DCLK1: variants seen among roughly 807,000 people sequenced by gnomAD.
The protein encoded by DCLK1 is doublecortin like kinase 1, also known as serine/threonine-protein kinase DCLK1.
Under a neutral mutation model 86.2 loss-of-function variants are expected in DCLK1, and 16 were observed. That is an observed-to-expected ratio of 0.19 (90% CI 0.13 to 0.28). The LOEUF (loss-of-function observed/expected upper bound fraction) is 0.28. DCLK1 is among the 10% of genes least tolerant of loss of function. The pLI, the probability that DCLK1 is intolerant of heterozygous loss-of-function variation, is 1.00. For missense variants in DCLK1, 590 were observed against 940.2 expected (o/e 0.63, Z 4.87); for synonymous variants, 369 against 370.5 (o/e 1.00, Z 0.05).
chr13:35,843,638 A>G (rs1869976794), intron 6 of DCLK1, among the ~76,000 whole-genome samples: 1 of 152,208 alleles, frequency 6.6e-6, no homozygotes, highest in Admixed American at 6.5e-5. Flanking sequence ...AAAATATCCA[A>G]TTAAGAGAAT....
Position 35,947,390 on chromosome 13 carries a change from C to A in DCLK1, c.791G>T (p.Arg264Leu). The A allele has an allele frequency of 6.2e-7, 1 of 1,613,732 alleles. No individual in the cohort carries two copies. The highest frequency in any genetic ancestry group is 8.5e-7 in the Non-Finnish European group (1 of 1,179,838). ...IFIACGPEKF[R>L]YQDDFLLDES... is the part of the protein sequence containing the mutation. The stretch of plus-strand genomic sequence containing the variant: ...ATCTAGCAAGAAATCATCCTGGTAA[C>A]GGAACTTCTCCGGTCCACATGCAAT... Residue 264 changes from arginine (R) to leucine (L), a missense_variant, in exon 4 of 17, where the codon CGT becomes CTT. By Grantham distance (102) the Arg-to-Leu change is moderately radical. This residue lies in a region of DCLK1 where 195 missense variants were observed against 365.1 expected (regional missense o/e 0.53). Coordinates refer to ENST00000360631, the MANE Select transcript of DCLK1 (RefSeq NM_001330071.2).
intron 11 of DCLK1, among the ~76,000 whole-genome samples, chr13:35,816,218 A>G (rs980269360): frequency 6.6e-6 from 1 of 152,206 alleles, no homozygotes; most frequent in Admixed American, 6.5e-5. Context: ...ATTATCCAAT[A>G]TGTCATAGTA....
intron 3 of DCLK1, among the ~76,000 whole-genome samples, chr13:36,014,241 C>G (rs1616952): frequency 0.28 from 43,136 of 152,108 alleles, 7,509 homozygotes; most frequent in Non-Finnish European, 0.39. Context: ...CTACCCCTCT[C>G]TAAAATTTTA....
At position 35,828,453 on chromosome 13, in the gene DCLK1, A is replaced by C. The variant is rs139680837; in HGVS notation, c.1230-146T>G. 599 of 680,084 alleles carry C rather than the reference A, an allele frequency of 8.8e-4. 4 individuals are homozygous for C. Among genetic ancestry groups the C allele is most frequent in the African/African-American group, 8.6e-3 (478 of 55,640 alleles). 42.1% of individuals were successfully genotyped at this position (680,084 alleles called of 1,614,324 possible). On this transcript the variant is annotated intron_variant, in intron 8 of 16. Transcript: ENST00000360631. ...AGGATTTCCTTTCCTTTTTTAAAAA[A>C]AAACAAATAAATATGTAAACGTTGA...
intron 16 of DCLK1, among the ~76,000 whole-genome samples, chr13:35,785,164 G>T (rs986463116): frequency 2.6e-5 from 4 of 152,008 alleles, no homozygotes; most frequent in East Asian, 3.9e-4. Context: ...TTATTTAATC[G>T]GGTTACCCAG....
intron 11 of DCLK1, among the ~76,000 whole-genome samples, chr13:35,812,367 A>G (rs117006771): frequency 4.5e-4 from 69 of 152,284 alleles, no homozygotes; most frequent in East Asian, 1.9e-4. Flanking sequence ...ATGTACATCA[A>G]AATACTTGAT....
chr13:36,052,963 G>A (rs1883179852), intron 3 of DCLK1, among the ~76,000 whole-genome samples: 1 of 152,144 alleles, frequency 6.6e-6, no homozygotes, highest in Admixed American at 6.5e-5. Context: ...AGGATGGGGT[G>A]CTTACAATCT....
At chr13:35,953,911 G>C (rs1274042442) in intron 3 of DCLK1, among the ~76,000 whole-genome samples, 1 of 152,122 alleles carries the variant, frequency 6.6e-6, no homozygotes, top group Non-Finnish European at 1.5e-5. Context: ...AAGTCATTGT[G>C]TCTTTATCAG....
chr13:36,011,480 A>G (rs1881267287), intron 3 of DCLK1, among the ~76,000 whole-genome samples: 1 of 128,780 alleles, frequency 7.8e-6, no homozygotes, highest in Non-Finnish European at 1.6e-5. Context: ...TCATTTCGTT[A>G]TGTACCCAGT....
At position 35,923,911 on chromosome 13, in the gene DCLK1, C is replaced by T. The variant is rs144593635; in HGVS notation, c.823+23447G>A. On this transcript the variant is annotated intron_variant, in intron 4 of 16. Transcript: ENST00000360631. ...GACAGTAAGAAGCAGAACAAATGCA[C>T]ATGCTAAACTAGACCCCCTTCTAGC... Among the ~76,000 whole-genome samples, 777 of 152,240 alleles carry T rather than the reference C, an allele frequency of 5.1e-3. 9 individuals carry two copies. The highest frequency in any genetic ancestry group is 0.018 in the African/African-American group (744 of 41,536).
chr13:35,965,922 G>A (rs1230232663), intron 3 of DCLK1, among the ~76,000 whole-genome samples: 2 of 152,192 alleles, frequency 1.3e-5, no homozygotes, highest in Non-Finnish European at 2.9e-5. Context: ...AGGGCCACAG[G>A]GAGAGTTCCT....
chr13:35,792,360 T>C (rs2086722893), intron 16 of DCLK1, among the ~76,000 whole-genome samples: 1 of 152,110 alleles, frequency 6.6e-6, no homozygotes, highest in African/African-American at 2.4e-5. Context: ...CACTTGTTTA[T>C]CTTCAGTTTT....
chr13:36,079,806 G>A (rs887375049), intron 3 of DCLK1, among the ~76,000 whole-genome samples: 3 of 152,140 alleles, frequency 2.0e-5, no homozygotes, highest in African/African-American at 7.2e-5. Context: ...CAAAAGGCAA[G>A]CAATGAAGGG....
At chr13:35,822,613 G>C in intron 11 of DCLK1, 116 bp downstream of exon 11, 1 of 1,452,294 alleles carries the variant, frequency 6.9e-7, no homozygotes, top group Admixed American at 2.0e-5. Flanking sequence ...AAGGCTAACT[G>C]GAAATTAACC....
intron 3 of DCLK1, among the ~76,000 whole-genome samples, chr13:35,997,365 G>A (rs892583659): frequency 6.6e-6 from 1 of 152,166 alleles, no homozygotes; most frequent in Admixed American, 6.5e-5. Flanking sequence ...TCATTTTAAG[G>A]GGAAAATCAT....
chr13:35,862,491 T>C (rs903599748), intron 5 of DCLK1, among the ~76,000 whole-genome samples: 4 of 152,196 alleles, frequency 2.6e-5, no homozygotes, highest in Non-Finnish European at 4.4e-5. Flanking sequence ...CTTTCATGTG[T>C]AGCAATTTTT....
At chr13:35,880,661 C>T (rs183084238) in intron 4 of DCLK1, among the ~76,000 whole-genome samples, 1 of 152,240 alleles carries the variant, frequency 6.6e-6, no homozygotes, top group Admixed American at 6.5e-5. Flanking sequence ...GTAGTTGGTA[C>T]ATTTGCTTTC....
intron 4 of DCLK1, among the ~76,000 whole-genome samples, chr13:35,900,052 G>A (rs1316566492): frequency 1.3e-5 from 2 of 152,024 alleles, no homozygotes; most frequent in Non-Finnish European, 2.9e-5. Context: ...CACAGAAACT[G>A]TAGAAGAATA....
chr13:35,842,791 C>T (rs1869899349), intron 6 of DCLK1, among the ~76,000 whole-genome samples: 1 of 152,158 alleles, frequency 6.6e-6, no homozygotes, highest in Non-Finnish European at 1.5e-5. Flanking sequence ...CATTAATATC[C>T]TTCCAGTCTG....
Sources: allele counts gnomAD v4.1 joint callset (sites outside exome capture counted in the v4.1 genomes callset), GRCh38; gene constraint gnomAD v4.1.1; regional missense constraint gnomAD v4.1.1; transcripts MANE v1.5; gene names NCBI Gene and HGNC (gene_info 2026-07-23, HGNC 2026-07-21).